MYRIP: variants seen among roughly 807,000 people sequenced by gnomAD.
The protein encoded by MYRIP is rab effector MyRIP.
Under a neutral mutation model 98.0 loss-of-function variants are expected in MYRIP, and 49 were observed. The observed-to-expected ratio is 0.50, with a 90% CI of 0.40 to 0.63. MYRIP has a LOEUF of 0.63. Ranked by LOEUF, MYRIP falls within the 30% of genes least tolerant of loss-of-function variation. The pLI, the probability that MYRIP is intolerant of heterozygous loss-of-function variation, is 0.00. For missense variants in MYRIP, 1,004 were observed against 1,058.2 expected (o/e 0.95, Z 0.71); for synonymous variants, 404 against 409.5 (o/e 0.99, Z 0.16).
At chr3:40,081,267 G>C (rs189386031) in intron 3 of MYRIP, among the ~76,000 whole-genome samples, 1 of 152,128 alleles carries the variant, frequency 6.6e-6, no homozygotes, top group Non-Finnish European at 1.5e-5. Context: ...ATATTGTGCT[G>C]CTCAAATCTT....
At chr3:40,019,943 G>A (rs564021011) in intron 2 of MYRIP, among the ~76,000 whole-genome samples, 17 of 152,206 alleles carry the variant, frequency 1.1e-4, no homozygotes, top group South Asian at 8.3e-4. Context: ...CATCTTTTAG[G>A]ATTATTTTAA....
At chr3:39,892,095 C>T (rs1240332978) in intron 1 of MYRIP, among the ~76,000 whole-genome samples, 2 of 152,014 alleles carry the variant, frequency 1.3e-5, no homozygotes, top group African/African-American at 2.4e-5. Context: ...ATTCTATTTT[C>T]ATTATTTTTA....
chr3:39,933,016 C>G (rs1202161578), intron 2 of MYRIP, among the ~76,000 whole-genome samples: 1 of 152,164 alleles, frequency 6.6e-6, no homozygotes, highest in Non-Finnish European at 1.5e-5. Context: ...TCTAGGACTG[C>G]TCTAGAATAA....
chr3:39,851,536 C>G (rs1237783102), intron 1 of MYRIP, among the ~76,000 whole-genome samples: 1 of 152,164 alleles, frequency 6.6e-6, no homozygotes, highest in African/African-American at 2.4e-5. Context: ...CTTCTGTCAC[C>G]AAGTATGGCC....
intron 3 of MYRIP, among the ~76,000 whole-genome samples, chr3:40,072,786 G>T (rs142880552): frequency 6.6e-6 from 1 of 151,934 alleles, no homozygotes; most frequent in Non-Finnish European, 1.5e-5. Context: ...GACTTGCTTT[G>T]TGGTCCAGTA....
chr3:39,851,094 C>T (rs1450669767), intron 1 of MYRIP, among the ~76,000 whole-genome samples: 1 of 152,198 alleles, frequency 6.6e-6, no homozygotes, highest in Non-Finnish European at 1.5e-5. Flanking sequence ...GGCTCTGATA[C>T]AAACACTGGC....
At chr3:40,221,602 C>A (rs1952339139) in intron 11 of MYRIP, among the ~76,000 whole-genome samples, 1 of 152,108 alleles carries the variant, frequency 6.6e-6, no homozygotes, top group African/African-American at 2.4e-5. Context: ...CTGCACTCCA[C>A]CTTGGGTGAT....
intron 3 of MYRIP, among the ~76,000 whole-genome samples, chr3:40,048,933 C>CT (rs1947728694): frequency 6.6e-6 from 1 of 151,994 alleles, no homozygotes; most frequent in South Asian, 2.1e-4. Context: ...GATTTATCTT[C>CT]TTGACAATTT....
intron 1 of MYRIP, among the ~76,000 whole-genome samples, chr3:39,848,456 T>C (rs1276478656): frequency 7.1e-6 from 1 of 140,918 alleles, no homozygotes; most frequent in Non-Finnish European, 1.6e-5. Context: ...AGTTTCCTTT[T>C]GCTTATTTTG....
chr3:39,850,240 C>T (rs1942090414), intron 1 of MYRIP, among the ~76,000 whole-genome samples: 1 of 152,248 alleles, frequency 6.6e-6, no homozygotes, highest in South Asian at 2.1e-4. Flanking sequence ...TTCTCTGGCT[C>T]CTGCCCTTCT....
At chr3:39,891,371 C>T (rs1268034839) in intron 1 of MYRIP, among the ~76,000 whole-genome samples, 1 of 151,834 alleles carries the variant, frequency 6.6e-6, no homozygotes, top group East Asian at 1.9e-4. Flanking sequence ...TAATGAGCAT[C>T]CCCTCTGTAT....
intron 3 of MYRIP, among the ~76,000 whole-genome samples, chr3:40,079,776 G>C (rs2125868392): frequency 6.6e-6 from 1 of 152,334 alleles, no homozygotes; most frequent in East Asian, 1.9e-4. Context: ...GGAGCTGGAA[G>C]TATAGCATTG....
intron 6 of MYRIP, 54 bp downstream of exon 6, chr3:40,166,997 C>T (rs1950515192): frequency 1.4e-6 from 2 of 1,466,342 alleles, no homozygotes; most frequent in Admixed American, 1.7e-5. Flanking sequence ...GGGGTCCTTG[C>T]TGCCAGGAGA....
intron 2 of MYRIP, among the ~76,000 whole-genome samples, chr3:40,043,565 T>C (rs144755450): frequency 3.9e-5 from 6 of 152,254 alleles, no homozygotes; most frequent in African/African-American, 9.6e-5. Flanking sequence ...TATTAACTCA[T>C]ATAGATTTGA....
chr3:39,908,246 G>A (rs1943929540), intron 2 of MYRIP, among the ~76,000 whole-genome samples: 1 of 152,178 alleles, frequency 6.6e-6, no homozygotes, highest in Non-Finnish European at 1.5e-5. Context: ...ACTTCCTGCT[G>A]TGTCTTTCCC....
chr3:40,088,994 G>T (rs973949044), intron 3 of MYRIP, among the ~76,000 whole-genome samples: 1 of 151,992 alleles, frequency 6.6e-6, no homozygotes, highest in African/African-American at 2.4e-5. Context: ...GCATGCAGAG[G>T]GTGTGGGGGA....
chr3:40,032,569 G>A (rs1387864875), intron 2 of MYRIP, among the ~76,000 whole-genome samples: 2 of 151,984 alleles, frequency 1.3e-5, no homozygotes, highest in African/African-American at 4.8e-5. Flanking sequence ...TGAAATTGTG[G>A]CAATAATCAA....
At chr3:39,831,874 G>T (rs1045201830) in intron 1 of MYRIP, among the ~76,000 whole-genome samples, 2 of 152,164 alleles carry the variant, frequency 1.3e-5, no homozygotes, top group African/African-American at 2.4e-5. Flanking sequence ...GAACCATCTT[G>T]TGGGATGGTT....
intron 1 of MYRIP, among the ~76,000 whole-genome samples, chr3:39,850,279 C>T (rs1942091757): frequency 2.0e-5 from 3 of 152,226 alleles, no homozygotes; most frequent in Admixed American, 2.0e-4. Flanking sequence ...CCCACATACC[C>T]TCAAGGCACT....
Sources: allele counts gnomAD v4.1 joint callset (sites outside exome capture counted in the v4.1 genomes callset), GRCh38; gene constraint gnomAD v4.1.1; transcripts MANE v1.5; gene names NCBI Gene and HGNC (gene_info 2026-07-23, HGNC 2026-07-21).